The following FBXW11 variants were observed in gnomAD, a reference collection of about 807,000 sequenced individuals.
The protein encoded by FBXW11 is F-box/WD repeat-containing protein 11.
FBXW11 carries 19 observed loss-of-function variants against 77.6 expected under a neutral mutation model. That is an observed-to-expected ratio of 0.24 (90% CI 0.17 to 0.36). The LOEUF (loss-of-function observed/expected upper bound fraction) is 0.36, where lower values mean the gene tolerates loss of function less well. Ranked by LOEUF, FBXW11 falls within the 10% of genes least tolerant of loss-of-function variation. The pLI is 1.00. For synonymous variants in FBXW11, 235 were observed against 249.4 expected, an observed-to-expected ratio of 0.94 and a Z score of 0.54; for missense variants, 334 against 704.2, an observed-to-expected ratio of 0.47 and a Z score of 5.95.
At chr5:171,897,068 C>T (rs551158690) in intron 6 of FBXW11, among the ~76,000 whole-genome samples, 1 of 152,302 alleles carries the variant, frequency 6.6e-6, no homozygotes, top group South Asian at 2.1e-4. Flanking sequence ...TGATCACAGA[C>T]TCTCAATTAC....
At chr5:171,905,944 T>C (rs903343348) in intron 4 of FBXW11, among the ~76,000 whole-genome samples, 1 of 152,144 alleles carries the variant, frequency 6.6e-6, no homozygotes, top group Non-Finnish European at 1.5e-5. Context: ...GAGGCCATAA[T>C]ACTTCGCACA....
At chr5:172,002,385 G>A (rs1260249564) in intron 1 of FBXW11, among the ~76,000 whole-genome samples, 2 of 151,590 alleles carry the variant, frequency 1.3e-5, no homozygotes, top group African/African-American at 4.9e-5. Flanking sequence ...TCTTTAGGCA[G>A]GTCAGTGAGG....
chr5:171,873,028 C>T (rs551242596), intron 9 of FBXW11, 38 bp from the exon 10 acceptor site: 5 of 1,508,812 alleles, frequency 3.3e-6, no homozygotes, highest in Non-Finnish European at 3.7e-6. Flanking sequence ...AGAATGAACA[C>T]AGGAAAGTCC....
At chr5:171,919,350 G>A (rs543944557) in intron 2 of FBXW11, among the ~76,000 whole-genome samples, 10 of 152,222 alleles carry the variant, frequency 6.6e-5, no homozygotes, top group African/African-American at 2.4e-4. Context: ...AGCCCATGTG[G>A]TAGCACCAAC....
chr5:171,942,340 C>T (rs940410808), intron 2 of FBXW11, among the ~76,000 whole-genome samples: 2 of 151,712 alleles, frequency 1.3e-5, no homozygotes, highest in African/African-American at 4.9e-5. Flanking sequence ...TGTCACACTT[C>T]TTTAGTTTTT....
rs777934454 is a variant in FBXW11 at position 171,899,018 on chromosome 5, T to C, written c.700A>G (p.Ile234Val). The change falls in exon 6 of 14, where the codon ATC (isoleucine) becomes GTC (valine). Residue 234 changes from isoleucine (I) to valine (V), a missense_variant. By Grantham distance (29) the Ile-to-Val change is conservative (BLOSUM62 3). Around this residue, in one of 10 missense-constraint regions of FBXW11, gnomAD observed 70 missense variants for 136.6 expected, o/e 0.51. Transcript: ENST00000517395. ...SFYRSLYPKI[I>V]QDIETIESNW... ...CATAAAGTTACCTCTATATCCTGGA[T>C]AATCTTTGGGTATAATGACCTATAA... 6.2e-6 allele frequency: 10 copies of C among 1,600,028 alleles called. No individual in the cohort carries two copies. The South Asian group carries it at 1.0e-4, about 16-fold the overall frequency.
chr5:171,892,230 T>C (rs536575643), intron 6 of FBXW11, among the ~76,000 whole-genome samples: 56 of 152,342 alleles, frequency 3.7e-4, no homozygotes, highest in African/African-American at 1.3e-3. Flanking sequence ...GGAGACATAC[T>C]GCATTCAGGG....
At chr5:171,905,936 G>A (rs1391407897) in intron 4 of FBXW11, among the ~76,000 whole-genome samples, 1 of 151,996 alleles carries the variant, frequency 6.6e-6, no homozygotes, top group Admixed American at 6.6e-5. Context: ...AGAAAATTGA[G>A]GCCATAATAC....
At chr5:171,889,290 G>A (rs1209672965) in intron 7 of FBXW11, among the ~76,000 whole-genome samples, 2 of 152,146 alleles carry the variant, frequency 1.3e-5, no homozygotes, top group Non-Finnish European at 2.9e-5. Flanking sequence ...CACTTTGGGA[G>A]GCCAAGGTAG....
intron 2 of FBXW11, among the ~76,000 whole-genome samples, chr5:171,920,713 A>C (rs895831586): frequency 6.6e-6 from 1 of 152,172 alleles, no homozygotes; most frequent in Non-Finnish European, 1.5e-5. Context: ...AAAAGCAATA[A>C]TACTAATAAA....
At chr5:171,905,377 T>C (rs758023433) in intron 4 of FBXW11, among the ~76,000 whole-genome samples, 6 of 152,184 alleles carry the variant, frequency 3.9e-5, no homozygotes, top group South Asian at 2.1e-4. Context: ...TCATTTTACA[T>C]AGAGGGAACC....
At chr5:171,897,546 A>G (rs1759825518) in intron 6 of FBXW11, among the ~76,000 whole-genome samples, 1 of 152,204 alleles carries the variant, frequency 6.6e-6, no homozygotes, top group Admixed American at 6.5e-5. Flanking sequence ...CTGTCATGCC[A>G]CAGAATACTG....
intron 1 of FBXW11, among the ~76,000 whole-genome samples, chr5:171,988,456 T>C (rs780459838): frequency 2.0e-5 from 3 of 152,144 alleles, no homozygotes; most frequent in Non-Finnish European, 2.9e-5. Context: ...AAGACTGTAA[T>C]TGATTGTTAA....
chr5:171,880,644 A>T (rs2113796857), intron 7 of FBXW11, among the ~76,000 whole-genome samples: 1 of 152,290 alleles, frequency 6.6e-6, no homozygotes, highest in Non-Finnish European at 1.5e-5. Context: ...TCTTATAAAT[A>T]TTTTGTTAGA....
chr5:171,900,251 G>A, intron 4 of FBXW11, 151 bp from the exon 5 acceptor site: 1 of 617,436 alleles, frequency 1.6e-6, no homozygotes, highest in Non-Finnish European at 2.7e-6. Flanking sequence ...AAATCCATGA[G>A]TACATAAACA....
intron 2 of FBXW11, among the ~76,000 whole-genome samples, chr5:171,940,968 G>T (rs1046784347): frequency 1.3e-5 from 2 of 151,628 alleles, no homozygotes; most frequent in Non-Finnish European, 2.9e-5. Flanking sequence ...AATAAATAAT[G>T]ATAATAAAAG....
At chr5:171,898,676 G>A (rs1244710373) in intron 6 of FBXW11, among the ~76,000 whole-genome samples, 1 of 152,066 alleles carries the variant, frequency 6.6e-6, no homozygotes, top group Admixed American at 6.6e-5. Flanking sequence ...GTAAAACAAT[G>A]CTTACTTAAA....
chr5:171,920,434 A>C (rs947430846), intron 2 of FBXW11, among the ~76,000 whole-genome samples: 6 of 148,096 alleles, frequency 4.1e-5, no homozygotes, highest in African/African-American at 1.2e-4. Flanking sequence ...AAAAAAAAAA[A>C]CCCTGAAGGG....
rs372433343 is a variant in FBXW11, at chr5:171,922,922, C to CGT, written c.148-8519_148-8518dup. Among the ~76,000 whole-genome samples, 9 of 150,078 alleles carry CGT rather than the reference C, an allele frequency of 6.0e-5. No individual in the cohort carries two copies. The South Asian group carries it at 6.3e-4, about 11-fold the overall frequency. Reference sequence around the variant, plus strand: ...GTGTGTGTGCGTGTGTGTGTGTGTGCGTGTGTGTGTGTGACAGAGTCATGC... The same window carrying CGT: ...GTGTGTGTGCGTGTGTGTGTGTGTGCGTGTGTGTGTGTGTGACAGAGTCATGC... On this transcript the variant is annotated intron_variant, in intron 2 of 13. Coordinates refer to ENST00000517395, the MANE Select transcript of FBXW11 (RefSeq NM_001378974.1).
Sources: allele counts gnomAD v4.1 joint callset (sites outside exome capture counted in the v4.1 genomes callset), GRCh38; gene constraint gnomAD v4.1.1; regional missense constraint gnomAD v4.1.1; transcripts MANE v1.5; gene names NCBI Gene and HGNC (gene_info 2026-07-23, HGNC 2026-07-21).